STRA6: variants seen among roughly 807,000 people sequenced by gnomAD.
STRA6 encodes the protein signaling receptor and transporter of retinol STRA6, also known as receptor for retinol uptake STRA6.
In STRA6, 48 loss-of-function variants were observed where a neutral mutation model predicts 83.6. That is an observed-to-expected ratio of 0.57 (90% CI 0.46 to 0.73). The LOEUF (loss-of-function observed/expected upper bound fraction) is 0.73, where lower values mean the gene tolerates loss of function less well. STRA6 is among the 30% of genes least tolerant of loss of function. The pLI is 0.00. For synonymous variants in STRA6, 353 were observed against 362.3 expected (o/e 0.97, Z 0.29); for missense variants, 760 against 838.8 (o/e 0.91, Z 1.16).
At chr15:74,202,410 T>C (rs771544960) in intron 1 of STRA6, 128 bp from the exon 2 acceptor site, 1 of 1,539,160 alleles carries the variant, frequency 6.5e-7, no homozygotes, top group South Asian at 1.2e-5. Flanking sequence ...TGAAGGTTAC[T>C]TTCTTACTTT....
chr15:74,185,250 C>A (rs1306806545), intron 12 of STRA6, among the ~76,000 whole-genome samples, 195 bp from the exon 13 acceptor site: 1 of 152,222 alleles, frequency 6.6e-6, no homozygotes, highest in East Asian at 1.9e-4. Flanking sequence ...CCCATTCTTC[C>A]CAGTGACATA....
intron 7 of STRA6, chr15:74,194,848 C>T: frequency 7.4e-7 from 1 of 1,354,986 alleles, no homozygotes; most frequent in East Asian, 2.7e-5. Flanking sequence ...CTTCACAGCC[C>T]CAGCCAGCAG....
chr15:74,191,364 A>G (rs1243384650), intron 9 of STRA6, 60 bp downstream of exon 9: 1 of 1,608,396 alleles, frequency 6.2e-7, no homozygotes, highest in Non-Finnish European at 8.5e-7. Context: ...CCAGCTTCCC[A>G]AGCACGGCTG....
intron 1 of STRA6, chr15:74,208,072 CT>C (rs1232404784): frequency 3.2e-6 from 4 of 1,249,464 alleles, no homozygotes; most frequent in Non-Finnish European, 4.1e-6. Context: ...TTAGACCAGG[CT>C]GTTCTGGTAT....
upstream of STRA6, among the ~76,000 whole-genome samples, chr15:74,203,904 T>C (rs911420502): frequency 6.4e-5 from 9 of 140,758 alleles, no homozygotes; most frequent in African/African-American, 2.4e-4. Context: ...AGGCTCAGGA[T>C]GGGGATGGGG....
chr15:74,209,350 C>T (rs2074332218), upstream of STRA6: 2 of 1,532,654 alleles, frequency 1.3e-6, no homozygotes, highest in Non-Finnish European at 8.7e-7. Flanking sequence ...TGAGGAACCC[C>T]CTACTTACCT....
chr15:74,180,374 G>A, intron 18 of STRA6, 131 bp from the exon 19 acceptor site: 1 of 1,134,734 alleles, frequency 8.8e-7, no homozygotes, highest in Non-Finnish European at 1.3e-6. Flanking sequence ...GTCCCCTGCA[G>A]GCAGCACATG....
rs1386533187 is a variant in STRA6 at position 74,182,419 on chromosome 15, C to T, written c.1342G>A (p.Ala448Thr). The T allele has an allele frequency of 1.9e-6, 3 of 1,612,286 alleles. No homozygotes were observed. The highest frequency in any genetic ancestry group is 2.5e-6 in the Non-Finnish European group (3 of 1,179,178). ...GGCATGAGCACCAGGAAGGCCAGGG[C>T]CGTGGTTCCCAGGAAGAAGATGATC... ...QQIIFFLGTT[A>T]LAFLVLMPVL... Residue 448 changes from alanine (A) to threonine (T), a missense_variant, in exon 15 of 19, where the codon GCC becomes ACC. Physicochemically the swap from Ala to Thr is moderately conservative, Grantham distance 58. Transcript: ENST00000395105.
In STRA6 at chr15:74,197,976, G is replaced by T. The variant is rs2073898711; in HGVS notation, c.114-158C>A. 1.5e-5 allele frequency: 11 copies of T among 744,660 alleles called. No individual in the cohort carries two copies. The South Asian group carries it at 1.6e-4, about 11-fold the overall frequency. 46.1% of individuals were successfully genotyped at this position (744,660 alleles called of 1,614,324 possible). A position where few individuals can be genotyped will look rare whatever the true frequency, so the allele number is the denominator to read the frequency against. On this transcript the variant is annotated intron_variant, in intron 2 of 18. Transcript: ENST00000395105. ...AAGCCTTCCCAGTCCCACCTTCTCA[G>T]GGTCATTCTGGGGCCCTCGTGTCCC... is the stretch of plus-strand genomic sequence containing the variant.
intron 7 of STRA6, chr15:74,194,535 T>C (rs1050817458): frequency 1.2e-5 from 5 of 422,760 alleles, no homozygotes; most frequent in Non-Finnish European, 1.8e-5. Flanking sequence ...CATGGACGGA[T>C]GGAGAAACGG....
chr15:74,206,082 G>C (rs750222952), upstream of STRA6, among the ~76,000 whole-genome samples: 2 of 152,162 alleles, frequency 1.3e-5, no homozygotes, highest in Non-Finnish European at 2.9e-5. Context: ...TCTCAAATCC[G>C]GCCTGGAGAT....
rs561861378 is a variant in STRA6, at chr15:74,191,023, G to A, written c.866-122C>T. 3.8e-6 allele frequency: 6 copies of A among 1,570,356 alleles called. No individual in the cohort carries two copies. In the South Asian group the frequency reaches 5.8e-5, roughly 15 times the overall value. ...CCTAAATGACCAAGGCCAGGCCAGG[G>A]TCTTCCCGCTGTCCCAAGCTGGTAG... On this transcript the variant is annotated intron_variant, in intron 10 of 18. Transcript: ENST00000395105.
At chr15:74,209,689 C>T, upstream of STRA6, 1 of 513,348 alleles carries the variant, frequency 1.9e-6, no homozygotes, top group Non-Finnish European at 3.4e-6. Flanking sequence ...CGGCTGCATC[C>T]CCCCTCACCT....
intron 2 of STRA6, among the ~76,000 whole-genome samples, chr15:74,199,306 C>A (rs1208010747): frequency 6.6e-6 from 1 of 152,166 alleles, no homozygotes; most frequent in Admixed American, 6.5e-5. Context: ...GGAAAGAAAC[C>A]AGTCACTTGG....
intron 11 of STRA6, among the ~76,000 whole-genome samples, chr15:74,190,162 CTCTA>C (rs1462820487): frequency 6.6e-6 from 1 of 152,170 alleles, no homozygotes. Flanking sequence ...GTGTCTGCAC[CTCTA>C]TCTATTTACC....
At chr15:74,194,331 A>G in intron 7 of STRA6, 2 of 1,121,660 alleles carry the variant, frequency 1.8e-6, no homozygotes, top group Non-Finnish European at 2.2e-6. Context: ...TCTATGCCCT[A>G]CTCCTCAGGG....
chr15:74,181,146 G>A (rs966277279), intron 17 of STRA6, 149 bp downstream of exon 17: 13 of 1,371,000 alleles, frequency 9.5e-6, no homozygotes, highest in Non-Finnish European at 1.2e-5. Flanking sequence ...AGGGCCACAG[G>A]AGGCACAGCG....
chr15:74,201,120 T>C lies in STRA6; in HGVS notation c.113+1035A>G, dbSNP rs570420622. Among the ~76,000 whole-genome samples, 9 of 152,258 alleles carry C rather than the reference T, an allele frequency of 5.9e-5. No homozygotes were observed. The South Asian group carries it at 1.9e-3, about 32-fold the overall frequency. ...TGACTGCAGGCTATTTTCCAGGTGG[T>C]CAGAACCCTGAGTCCTCCAAACAAC... On this transcript the variant is annotated intron_variant, in intron 2 of 18. Coordinates refer to ENST00000395105, the MANE Select transcript of STRA6 (RefSeq NM_022369.4).
intron 17 of STRA6, 82 bp from the exon 18 acceptor site, chr15:74,181,019 G>C (rs1242909040): frequency 1.9e-6 from 3 of 1,569,978 alleles, no homozygotes; most frequent in Non-Finnish European, 1.7e-6. Context: ...CACACACACA[G>C]GGAGTGCACG....
Sources: gnomAD v4.1 joint callset for allele counts (sites outside exome capture counted in the v4.1 genomes callset) on GRCh38, gnomAD v4.1.1 for gene constraint, MANE v1.5 for transcripts, NCBI Gene and HGNC (gene_info 2026-07-23, HGNC 2026-07-21) for gene names.